Variants in CTNND2 observed in about 807,000 individuals in gnomAD.
The protein encoded by CTNND2 is catenin delta 2, also known as catenin delta-2.
In CTNND2, 22 loss-of-function variants were observed where a neutral mutation model predicts 144.4. The ratio of observed to expected loss-of-function variants is 0.15; its 90% CI spans 0.11 to 0.22. The LOEUF (loss-of-function observed/expected upper bound fraction) is 0.22, where lower values mean the gene tolerates loss of function less well. CTNND2 is among the 10% of genes least tolerant of loss of function. CTNND2 has a pLI of 1.00. For synonymous variants in CTNND2, 751 were observed against 695.6 expected (o/e 1.08, Z -1.25); for missense variants, 1,353 against 1,618.8 (o/e 0.84, Z 2.82).
At chr5:11,362,474 C>G (rs571920757) in intron 8 of CTNND2, among the ~76,000 whole-genome samples, 1 of 152,146 alleles carries the variant, frequency 6.6e-6, no homozygotes, top group Non-Finnish European at 1.5e-5. Context: ...GCAGGGAAGA[C>G]AGAGTTTGCG....
chr5:11,023,625 A>G (rs960235793), intron 16 of CTNND2, among the ~76,000 whole-genome samples: 1 of 152,184 alleles, frequency 6.6e-6, no homozygotes, highest in Non-Finnish European at 1.5e-5. Flanking sequence ...TAGTAACCTG[A>G]TGCTGTTTGT....
intron 1 of CTNND2, among the ~76,000 whole-genome samples, chr5:11,742,650 T>C (rs1024827503): frequency 1.3e-5 from 2 of 152,194 alleles, no homozygotes; most frequent in Non-Finnish European, 2.9e-5. Context: ...AAATATGGCA[T>C]TAGAACATCC....
chr5:11,432,459 G>A (rs1344425235), intron 3 of CTNND2, among the ~76,000 whole-genome samples: 1 of 152,040 alleles, frequency 6.6e-6, no homozygotes, highest in Non-Finnish European at 1.5e-5. Flanking sequence ...GATGAAAGGA[G>A]AATCAAAATC....
At chr5:11,510,895 C>T (rs747539838) in intron 3 of CTNND2, among the ~76,000 whole-genome samples, 1 of 151,284 alleles carries the variant, frequency 6.6e-6, no homozygotes, top group African/African-American at 2.4e-5. Flanking sequence ...TGAGCTACTG[C>T]ACCCTAGCCT....
chr5:11,715,773 G>T (rs1786316594), intron 2 of CTNND2, among the ~76,000 whole-genome samples: 1 of 152,170 alleles, frequency 6.6e-6, no homozygotes, highest in South Asian at 2.1e-4. Flanking sequence ...GAATGCATTT[G>T]GTTGCGACAG....
intron 12 of CTNND2, among the ~76,000 whole-genome samples, chr5:11,132,000 A>G (rs974956133): frequency 6.6e-6 from 1 of 152,138 alleles, no homozygotes; most frequent in African/African-American, 2.4e-5. Context: ...TGTTTTTGTG[A>G]TTGCTTTGAT....
At chr5:11,050,447 A>AT (rs1457375372) in intron 16 of CTNND2, among the ~76,000 whole-genome samples, 29 of 152,304 alleles carry the variant, frequency 1.9e-4, no homozygotes, top group African/African-American at 6.5e-4. Context: ...ATAATAGATA[A>AT]TTTTCTCAAA....
intron 18 of CTNND2, among the ~76,000 whole-genome samples, chr5:11,000,569 T>G (rs1739845426): frequency 6.6e-6 from 1 of 151,990 alleles, no homozygotes; most frequent in Admixed American, 6.6e-5. Flanking sequence ...AGCACAGGAG[T>G]TTGTTAGCTT....
chr5:11,103,035 G>A (rs1752067713), intron 14 of CTNND2, among the ~76,000 whole-genome samples: 2 of 128,218 alleles, frequency 1.6e-5, no homozygotes, highest in South Asian at 5.0e-4. Flanking sequence ...AGGCTGGAGT[G>A]CAGTGGCACA....
intron 1 of CTNND2, among the ~76,000 whole-genome samples, chr5:11,884,208 T>G (rs1025813162): frequency 1.3e-5 from 2 of 152,208 alleles, no homozygotes; most frequent in African/African-American, 4.8e-5. Context: ...ATTTTGGCTT[T>G]TGTTGGCATT....
rs1184307534 is a variant in CTNND2 at position 11,459,284 on chromosome 5, G to A, written c.288-47215C>T. The stretch of plus-strand genomic sequence containing the variant: ...GAAAATCATTCTATCTTTAGAATAG[G>A]AAGACCAGAGTTCTAGATTTTCATT... On this transcript the variant is annotated intron_variant, in intron 3 of 21. Transcript: ENST00000304623. 2.6e-5 allele frequency among the ~76,000 whole-genome samples: 4 copies of A among 152,068 alleles called. No individual in the cohort carries two copies. The East Asian group carries it at 5.8e-4, about 22-fold the overall frequency.
At chr5:11,717,083 G>C (rs1213749914) in intron 2 of CTNND2, among the ~76,000 whole-genome samples, 1 of 151,200 alleles carries the variant, frequency 6.6e-6, no homozygotes, top group Non-Finnish European at 1.5e-5. Context: ...GGCCAGGCTG[G>C]TCTCAAACTC....
intron 9 of CTNND2, among the ~76,000 whole-genome samples, chr5:11,329,845 C>T (rs1752901084): frequency 6.6e-6 from 1 of 152,200 alleles, no homozygotes; most frequent in Admixed American, 6.5e-5. Context: ...GTATCCAGCA[C>T]CGTGATCTGT....
intron 10 of CTNND2, among the ~76,000 whole-genome samples, chr5:11,211,524 C>G (rs1738637490): frequency 1.3e-5 from 2 of 152,138 alleles, no homozygotes. Context: ...AATATCAAGT[C>G]TGACTGAAAG....
At chr5:11,609,702 G>A (rs1032860047) in intron 2 of CTNND2, among the ~76,000 whole-genome samples, 1 of 152,184 alleles carries the variant, frequency 6.6e-6, no homozygotes. Flanking sequence ...CCTTGTCCAT[G>A]TGTCTGAGTG....
chr5:11,792,631 C>G (rs772868888), intron 1 of CTNND2, among the ~76,000 whole-genome samples: 19 of 152,238 alleles, frequency 1.2e-4, no homozygotes, highest in Non-Finnish European at 2.2e-4. Flanking sequence ...ATTGAGTGTT[C>G]AAGATATTAT....
At chr5:10,997,006 G>C (rs1255265307) in intron 18 of CTNND2, among the ~76,000 whole-genome samples, 1 of 152,138 alleles carries the variant, frequency 6.6e-6, no homozygotes, top group Non-Finnish European at 1.5e-5. Context: ...CTTTGATCGA[G>C]GGGTCCAAGT....
At chr5:11,755,266 G>GC (rs999397553) in intron 1 of CTNND2, among the ~76,000 whole-genome samples, 1 of 151,584 alleles carries the variant, frequency 6.6e-6, no homozygotes, top group Non-Finnish European at 1.5e-5. Context: ...CTTAATATAG[G>GC]CCCCCAATCT....
chr5:11,358,885 C>G (rs1756169510), intron 8 of CTNND2, among the ~76,000 whole-genome samples: 1 of 152,168 alleles, frequency 6.6e-6, no homozygotes, highest in Admixed American at 6.5e-5. Context: ...TTCTTTATTA[C>G]AAGCTGACAC....
Sources: allele counts gnomAD v4.1 joint callset (sites outside exome capture counted in the v4.1 genomes callset), GRCh38; gene constraint gnomAD v4.1.1; transcripts MANE v1.5; gene names NCBI Gene and HGNC (gene_info 2026-07-23, HGNC 2026-07-21).